Variants in CMTM8 observed in about 807,000 individuals in gnomAD.
The protein encoded by CMTM8 is CKLF like MARVEL transmembrane domain containing 8, also known as CKLF-like MARVEL transmembrane domain-containing protein 8.
CMTM8 carries 12 observed loss-of-function variants against 18.6 expected under a neutral mutation model. The ratio of observed to expected loss-of-function variants is 0.65; its 90% confidence interval spans 0.41 to 1.05. CMTM8 has a LOEUF of 1.05. Ranked by LOEUF, CMTM8 falls within the 50% of genes least tolerant of loss-of-function variation. The pLI, the probability that CMTM8 is intolerant of heterozygous loss-of-function variation, is 0.00. For missense variants in CMTM8, 217 were observed against 227.2 expected, an observed-to-expected ratio of 0.95 and a Z score of 0.29; for synonymous variants, 87 against 90.6, an observed-to-expected ratio of 0.96 and a Z score of 0.23.
At chr3:32,248,883 A>G (rs1702078384) in intron 1 of CMTM8, among the ~76,000 whole-genome samples, 2 of 151,852 alleles carry the variant, frequency 1.3e-5, no homozygotes, top group South Asian at 4.2e-4. Flanking sequence ...CCTGGCCTAA[A>G]GTGATCCTCC....
intron 2 of CMTM8, among the ~76,000 whole-genome samples, chr3:32,360,964 C>A (rs1393747194): frequency 6.6e-6 from 1 of 152,136 alleles, no homozygotes; most frequent in African/African-American, 2.4e-5. Context: ...ACCTTTGGGT[C>A]AGATGTGAAT....
At chr3:32,352,711 G>T (rs148264996) in intron 1 of CMTM8, among the ~76,000 whole-genome samples, 1 of 152,214 alleles carries the variant, frequency 6.6e-6, no homozygotes, top group East Asian at 1.9e-4. Context: ...CTAGAAATGG[G>T]GATAAGGTTT....
intron 1 of CMTM8, among the ~76,000 whole-genome samples, chr3:32,271,626 A>T (rs941633710): frequency 5.3e-5 from 8 of 152,148 alleles, no homozygotes; most frequent in Non-Finnish European, 1.0e-4. Flanking sequence ...TGAACGTACC[A>T]TAATTTGCCC....
At chr3:32,285,123 A>G (rs2125552342) in intron 1 of CMTM8, among the ~76,000 whole-genome samples, 1 of 152,336 alleles carries the variant, frequency 6.6e-6, no homozygotes, top group African/African-American at 2.4e-5. Flanking sequence ...CACTTTGGGT[A>G]CATGCTAGAG....
At chr3:32,249,136 A>C (rs1043747345) in intron 1 of CMTM8, among the ~76,000 whole-genome samples, 8 of 126,764 alleles carry the variant, frequency 6.3e-5, no homozygotes, top group Non-Finnish European at 1.1e-4. Context: ...CTTTATGTTT[A>C]ATATTGAAGT....
Position 32,319,071 on chromosome 3 carries a change from TATA to T in CMTM8, c.148-38301_148-38299del, listed in dbSNP as rs202243112. Among the ~76,000 whole-genome samples, 353 of 59,696 alleles carry T rather than the reference TATA, an allele frequency of 5.9e-3. 8 individuals carry two copies. Among genetic ancestry groups the T allele is most frequent in the Non-Finnish European group, 8.8e-3 (280 of 31,944 alleles). 39.2% of individuals were successfully genotyped at this position (59,696 alleles called of 152,430 possible). Reference sequence around the variant, plus strand: ...GTGTGTATATACATATATATATATATATATTTTTTTTTTTTTTTTTTTTTGAGA... The same window carrying T: ...GTGTGTATATACATATATATATATATTTTTTTTTTTTTTTTTTTTTTGAGA... On this transcript the variant is annotated intron_variant, in intron 1 of 3. Transcript: ENST00000307526.
intron 1 of CMTM8, among the ~76,000 whole-genome samples, chr3:32,311,577 C>T (rs1695819721): frequency 6.6e-6 from 1 of 152,208 alleles, no homozygotes; most frequent in Non-Finnish European, 1.5e-5. Context: ...AGAACTTCCT[C>T]ACTTTAAGAT....
chr3:32,239,211 C>G, intron 1 of CMTM8, 92 bp downstream of exon 1: 1 of 1,415,786 alleles, frequency 7.1e-7, no homozygotes, highest in Non-Finnish European at 9.5e-7. Flanking sequence ...CTGCTCAGAT[C>G]TTCCCGCGGG....
chr3:32,259,153 G>A, intron 1 of CMTM8: 1 of 432,220 alleles, frequency 2.3e-6, no homozygotes, highest in East Asian at 5.2e-5. Context: ...CGCAGGGACG[G>A]CCAGGGGTCT....
rs78580983 is a variant in CMTM8 at position 32,335,360 on chromosome 3, G to A, written c.148-22013G>A. Among the ~76,000 whole-genome samples, 390 of 152,330 alleles carry A rather than the reference G, an allele frequency of 2.6e-3. 5 individuals carry two copies. The highest frequency in any genetic ancestry group is 8.9e-3 in the African/African-American group (371 of 41,582). On this transcript the variant is annotated intron_variant, in intron 1 of 3. Coordinates refer to ENST00000307526, the MANE Select transcript of CMTM8 (RefSeq NM_178868.5). Reference sequence around the variant, plus strand: ...GTAGACAAAGAAGGACCACTGTGGCGTGTTGGAGTCAGGCGCACTAGGTGG... The same window carrying A: ...GTAGACAAAGAAGGACCACTGTGGCATGTTGGAGTCAGGCGCACTAGGTGG...
At chr3:32,302,168 G>T (rs563846400) in intron 1 of CMTM8, among the ~76,000 whole-genome samples, 1 of 151,804 alleles carries the variant, frequency 6.6e-6, no homozygotes, top group Non-Finnish European at 1.5e-5. Flanking sequence ...CTGAAATGTG[G>T]CACGTGTCAT....
At chr3:32,363,729 A>T (rs1696977869) in intron 2 of CMTM8, among the ~76,000 whole-genome samples, 1 of 152,180 alleles carries the variant, frequency 6.6e-6, no homozygotes, top group Non-Finnish European at 1.5e-5. Flanking sequence ...TGTGGATTCA[A>T]AATACAGCTT....
At chr3:32,268,839 T>C (rs1205355688) in intron 1 of CMTM8, among the ~76,000 whole-genome samples, 1 of 152,204 alleles carries the variant, frequency 6.6e-6, no homozygotes, top group Non-Finnish European at 1.5e-5. Context: ...CATGCAAAGC[T>C]CTGATCTCAT....
chr3:32,353,594 T>C (rs1240128288), intron 1 of CMTM8, among the ~76,000 whole-genome samples: 1 of 152,072 alleles, frequency 6.6e-6, no homozygotes, highest in African/African-American at 2.4e-5. Flanking sequence ...AGAAGCAAGT[T>C]ATAGACTCTG....
In CMTM8 at chr3:32,358,026, A is replaced by G. The variant is rs1206512165; in HGVS notation, c.321+480A>G. On this transcript the variant is annotated intron_variant, in intron 2 of 3. Transcript: ENST00000307526. The surrounding 1 kb of genome is among the most constrained non-coding windows in gnomAD (Gnocchi z 4.1). ...CAAATGAAAATTGCTATTAGAAAAC[A>G]TAGGTGTTCTTATATATTTGAAAAG... 6.6e-6 allele frequency among the ~76,000 whole-genome samples: 1 copy of G among 152,228 alleles called. No homozygotes were observed. Among genetic ancestry groups the G allele is most frequent in the Admixed American group, 6.5e-5 (1 of 15,282 alleles).
intron 1 of CMTM8, among the ~76,000 whole-genome samples, chr3:32,334,626 G>A (rs1696351265): frequency 6.6e-6 from 1 of 151,780 alleles, no homozygotes; most frequent in Non-Finnish European, 1.5e-5. Flanking sequence ...AAGTGAAGGA[G>A]CATGTCCCAG....
At chr3:32,258,871 A>G (rs991155273) in intron 1 of CMTM8, 10 of 207,338 alleles carry the variant, frequency 4.8e-5, no homozygotes, top group Admixed American at 1.0e-4. Flanking sequence ...AGAAAGTACT[A>G]TCTCACTACA....
intron 2 of CMTM8, among the ~76,000 whole-genome samples, chr3:32,362,755 A>G (rs1214468928): frequency 6.6e-6 from 1 of 152,240 alleles, no homozygotes; most frequent in Non-Finnish European, 1.5e-5. Context: ...TGATGGTGCC[A>G]GAACTGAGCA....
At chr3:32,329,626 A>G (rs1488570322) in intron 1 of CMTM8, among the ~76,000 whole-genome samples, 1 of 152,196 alleles carries the variant, frequency 6.6e-6, no homozygotes, top group Non-Finnish European at 1.5e-5. Context: ...ACCTCAACAT[A>G]CTAAAGACCA....
Sources: gnomAD v4.1 joint callset for allele counts (sites outside exome capture counted in the v4.1 genomes callset) on GRCh38, gnomAD v4.1.1 for gene constraint, Gnocchi (gnomAD v3.1) non-coding constraint, MANE v1.5 for transcripts, NCBI Gene and HGNC (gene_info 2026-07-23, HGNC 2026-07-21) for gene names.